Variants in PPHLN1 observed in about 807,000 individuals in gnomAD.
PPHLN1 encodes the protein periphilin-1.
A neutral mutation model predicts 51.3 loss-of-function variants in PPHLN1; 29 were observed. The ratio of observed to expected loss-of-function variants is 0.57; its 90% CI spans 0.42 to 0.77. PPHLN1 has a LOEUF of 0.77. Among genes scored for constraint, PPHLN1 ranks in the 30% least tolerant of loss-of-function variants. PPHLN1 has a pLI of 0.00. For synonymous variants in PPHLN1, 147 were observed against 147.8 expected (o/e 0.99, Z 0.04); for missense variants, 436 against 438.4 (o/e 0.99, Z 0.05).
At chr12:42,433,684 C>G (rs1218715178) in intron 9 of PPHLN1, among the ~76,000 whole-genome samples, 1 of 152,138 alleles carries the variant, frequency 6.6e-6, no homozygotes, top group African/African-American at 2.4e-5. Context: ...AATAAGACAG[C>G]ATATATTTAC....
At chr12:42,360,650 A>G (rs543369270) in intron 4 of PPHLN1, among the ~76,000 whole-genome samples, 82 of 151,152 alleles carry the variant, frequency 5.4e-4, no homozygotes, top group African/African-American at 1.9e-3. Context: ...GTGTGCCACC[A>G]CCGCTGGCTA....
chr12:42,406,646 A>G (rs1181571733), intron 9 of PPHLN1, among the ~76,000 whole-genome samples: 2 of 152,036 alleles, frequency 1.3e-5, no homozygotes, highest in Admixed American at 1.3e-4. Context: ...GTTGATTAGT[A>G]GAAGTTCTTT....
chr12:42,356,731 G>A (rs991222188), intron 4 of PPHLN1, among the ~76,000 whole-genome samples: 1 of 152,164 alleles, frequency 6.6e-6, no homozygotes, highest in Non-Finnish European at 1.5e-5. Context: ...TCCTTGACCG[G>A]GTAATTGGGC....
In PPHLN1 at chr12:42,383,025, A is replaced by T. The variant is rs190000728; in HGVS notation, c.512-1915A>T. On this transcript the variant is annotated intron_variant, in intron 5 of 9. Coordinates refer to ENST00000358314, the MANE Select transcript of PPHLN1 (RefSeq NM_201439.2). ...TAGAGAATTAAAACAATAATTACTT[A>T]CTTGTTCATGACTGCAATTTAGCTG... Among the ~76,000 whole-genome samples, 69 of 152,346 alleles carry T rather than the reference A, an allele frequency of 4.5e-4. 1 individual carries two copies. In the East Asian group the frequency reaches 0.012, roughly 26 times the overall value.
chr12:42,389,725 A>G (rs2077519577), intron 7 of PPHLN1, among the ~76,000 whole-genome samples: 1 of 152,174 alleles, frequency 6.6e-6, no homozygotes, highest in African/African-American at 2.4e-5. Context: ...TCTTGACCAT[A>G]AGCAGGTTGG....
At chr12:42,410,442 G>A (rs1160330537) in intron 9 of PPHLN1, among the ~76,000 whole-genome samples, 3 of 152,176 alleles carry the variant, frequency 2.0e-5, no homozygotes, top group Non-Finnish European at 2.9e-5. Flanking sequence ...TAGCTGGCAT[G>A]TGTTCAGATA....
At chr12:42,376,246 C>CT (rs1336512976) in intron 5 of PPHLN1, among the ~76,000 whole-genome samples, 8 of 152,138 alleles carry the variant, frequency 5.3e-5, no homozygotes, top group Non-Finnish European at 1.2e-4. Context: ...CATTAACTGT[C>CT]TTTTTTTCAA....
chr12:42,385,851 C>A (rs570764002), intron 6 of PPHLN1, among the ~76,000 whole-genome samples: 1 of 152,298 alleles, frequency 6.6e-6, no homozygotes, highest in East Asian at 1.9e-4. Context: ...ACTTGTTCTT[C>A]TGGGAGCTTT....
downstream of PPHLN1, chr12:42,448,382 T>C (rs559094526): frequency 6.6e-5 from 10 of 152,176 alleles, no homozygotes; most frequent in East Asian, 1.9e-3. Flanking sequence ...TTTTTGCCTC[T>C]TAAAGTCTAA....
intron 9 of PPHLN1, among the ~76,000 whole-genome samples, chr12:42,403,055 C>T (rs1481567510): frequency 6.6e-6 from 1 of 152,146 alleles, no homozygotes; most frequent in Non-Finnish European, 1.5e-5. Context: ...CAGCTTTTAG[C>T]ATATGATGCA....
intron 9 of PPHLN1, among the ~76,000 whole-genome samples, chr12:42,439,766 C>G (rs140181271): frequency 6.6e-6 from 1 of 152,224 alleles, no homozygotes; most frequent in African/African-American, 2.4e-5. Flanking sequence ...CTAAGGTGAT[C>G]TGCCTGCCTC....
At chr12:42,407,182 T>C (rs1025314067) in intron 9 of PPHLN1, among the ~76,000 whole-genome samples, 3 of 152,300 alleles carry the variant, frequency 2.0e-5, no homozygotes, top group Middle Eastern at 6.8e-3. Flanking sequence ...GCTTTGAATT[T>C]TGTAGAAATT....
intron 1 of PPHLN1, among the ~76,000 whole-genome samples, chr12:42,333,998 G>T (rs2070209334): frequency 1.3e-5 from 2 of 152,042 alleles, no homozygotes; most frequent in African/African-American, 4.8e-5. Context: ...TTTCTTCTGG[G>T]TATAGCTATT....
At position 42,398,091 on chromosome 12, in the gene PPHLN1, C is replaced by G. The variant is rs958114745; in HGVS notation, c.769-763C>G. On this transcript the variant is annotated intron_variant, in intron 8 of 9. Coordinates refer to ENST00000358314, the MANE Select transcript of PPHLN1 (RefSeq NM_201439.2). ...TTCTAAGTTGTTACTATTGAGACAACTCCTTTGATAATTTTTTCTGTAGTG... is the reference window on the plus strand; with the variant it reads ...TTCTAAGTTGTTACTATTGAGACAAGTCCTTTGATAATTTTTTCTGTAGTG... Among the ~76,000 whole-genome samples the G allele has an allele frequency of 3.3e-5, 5 of 151,864 alleles. No homozygotes were observed. In the South Asian group the frequency reaches 1.0e-3, roughly 32 times the overall value.
chr12:42,387,438 T>A lies in PPHLN1; in HGVS notation c.569-18T>A, dbSNP rs1255208697. The A allele has an allele frequency of 2.5e-6, 4 of 1,577,744 alleles. No individual in the cohort carries two copies. The African/African-American group carries it at 5.5e-5, about 22-fold the overall frequency. ...AATTAGCTAGAAAAAAAATTACATCTTATGTTTTCTTATATAGATAAAGAG... is the reference window on the plus strand; with the variant it reads ...AATTAGCTAGAAAAAAAATTACATCATATGTTTTCTTATATAGATAAAGAG... On this transcript the variant is annotated intron_variant, in intron 6 of 9. Coordinates refer to ENST00000358314, the MANE Select transcript of PPHLN1 (RefSeq NM_201439.2).
In PPHLN1 at chr12:42,441,753, C is replaced by G; in HGVS notation, c.*244C>G. On this transcript the variant is annotated 3_prime_UTR_variant, in exon 10 of 10. Coordinates refer to ENST00000358314, the MANE Select transcript of PPHLN1 (RefSeq NM_201439.2). ...CAGGCTAGTCTCTAACTCCTGGCCT[C>G]AAGTGATCTGCCTGCCTCAGCCTCT... 1 of 1,138,916 alleles carries G rather than the reference C, an allele frequency of 8.8e-7. No individual in the cohort carries two copies. The allele number at this position is 1,138,916 out of a possible 1,614,324, so 70.6% of individuals were successfully genotyped here.
chr12:42,443,474 G>T (rs2083119750), downstream of PPHLN1: 1 of 152,214 alleles, frequency 6.6e-6, no homozygotes, highest in South Asian at 2.1e-4. Flanking sequence ...GGACTGGTCA[G>T]TGCTAGCTAA....
At chr12:42,397,139 T>G (rs2078310638) in intron 8 of PPHLN1, among the ~76,000 whole-genome samples, 1 of 152,200 alleles carries the variant, frequency 6.6e-6, no homozygotes, top group Non-Finnish European at 1.5e-5. Flanking sequence ...GGGTGTTATT[T>G]TTGGCTTCAA....
At chr12:42,393,726 A>C (rs1487229302) in intron 8 of PPHLN1, 37 bp downstream of exon 8, 1 of 1,535,902 alleles carries the variant, frequency 6.5e-7, no homozygotes, top group Admixed American at 2.3e-5. Flanking sequence ...TCACATCTGA[A>C]AGTTTTGTCT....
Sources: gnomAD v4.1 joint callset for allele counts (sites outside exome capture counted in the v4.1 genomes callset) on GRCh38, gnomAD v4.1.1 for gene constraint, MANE v1.5 for transcripts, NCBI Gene and HGNC (gene_info 2026-07-23, HGNC 2026-07-21) for gene names.